MET: variants seen among roughly 807,000 people sequenced by gnomAD.
The protein encoded by MET is MET proto-oncogene, receptor tyrosine kinase, also known as hepatocyte growth factor receptor.
A neutral mutation model predicts 133.1 loss-of-function variants in MET; 48 were observed. That is an observed-to-expected ratio of 0.36 (90% CI 0.29 to 0.46). The LOEUF is 0.46. Ranked by LOEUF, MET falls within the 20% of genes least tolerant of loss-of-function variation. The probability of loss-of-function intolerance (pLI) is 1.00; values close to 1 mark genes in which losing one functional copy is unlikely to be tolerated. For missense variants in MET, 1,442 were observed against 1,695.9 expected, an observed-to-expected ratio of 0.85 and a Z score of 2.63; for synonymous variants, 628 against 616.5, an observed-to-expected ratio of 1.02 and a Z score of -0.28.
chr7:116,750,473 A>G (rs539498686), intron 5 of MET, among the ~76,000 whole-genome samples: 1 of 152,366 alleles, frequency 6.6e-6, no homozygotes, highest in Admixed American at 6.5e-5. Context: ...TAAAAACCAT[A>G]AAAACCCTAG....
chr7:116,786,802 C>T lies in MET; in HGVS notation c.3798+3333C>T, dbSNP rs539825890. On this transcript the variant is annotated intron_variant, in intron 19 of 20. Coordinates refer to ENST00000397752, the MANE Select transcript of MET (RefSeq NM_000245.4). ...GTCAGAAAATAATGTTCATGGGGGA[C>T]ATGCACTTGAAGAGAAAGGGTTGGT... Among the ~76,000 whole-genome samples, 2 of 152,274 alleles carry T rather than the reference C, an allele frequency of 1.3e-5. 1 individual carries two copies. Among genetic ancestry groups the T allele is most frequent in the South Asian group, 4.1e-4 (2 of 4,830 alleles).
At chr7:116,725,905 T>C (rs1355694178) in intron 2 of MET, among the ~76,000 whole-genome samples, 2 of 149,620 alleles carry the variant, frequency 1.3e-5, no homozygotes, top group Non-Finnish European at 3.0e-5. Context: ...GGTGTGGTAA[T>C]TCATGCCTGT....
Position 116,758,653 on chromosome 7 carries a change from C to T in MET, c.2264+33C>T, listed in dbSNP as rs1380019258. The T allele has an allele frequency of 3.1e-6, 5 of 1,595,664 alleles. No homozygotes were observed. The South Asian group carries it at 3.3e-5, about 11-fold the overall frequency. On this transcript the variant is annotated intron_variant, in intron 9 of 20. Transcript: ENST00000397752. ...GAAGCTTCTGATGGGTATAAGAAAA[C>T]AATGAATACAAGGATGATTTTGCTG...
intron 5 of MET, 145 bp from the exon 6 acceptor site, chr7:116,755,210 G>A: frequency 1.0e-6 from 1 of 973,704 alleles, no homozygotes; most frequent in East Asian, 2.7e-5. Flanking sequence ...TTTCCCTTTA[G>A]TGAAAATTAA....
intron 5 of MET, among the ~76,000 whole-genome samples, chr7:116,753,765 CTGAG>C (rs895962097): frequency 1.3e-5 from 2 of 152,084 alleles, no homozygotes; most frequent in African/African-American, 4.8e-5. Context: ...TTTTAAAAGG[CTGAG>C]TGTGTCAACT....
chr7:116,710,985 G>A (rs1421766875), intron 2 of MET, among the ~76,000 whole-genome samples: 1 of 152,166 alleles, frequency 6.6e-6, no homozygotes, highest in Admixed American at 6.5e-5. Flanking sequence ...TTAATACCCT[G>A]TATGCTGGTG....
At position 116,755,372 on chromosome 7, in the gene MET, A is replaced by C. The variant is rs199776656; in HGVS notation, c.1719A>C (p.Ala573=). 1 of 1,613,956 alleles carries C rather than the reference A, an allele frequency of 6.2e-7. No homozygotes were observed. Among genetic ancestry groups the C allele is most frequent in the African/African-American group, 1.3e-5 (1 of 74,890 alleles). ...CCTTGTAGGTTTTCCCAAATAGTGC[A>C]CCCCTTGAAGGAGGGACAAGGCTGA... is the stretch of plus-strand genomic sequence containing the variant. ...PAIYKVFPNS[A]PLEGGTRLTI... Residue 573 remains alanine (A), a synonymous_variant, in exon 6 of 21, where the codon GCA becomes GCC. Transcript: ENST00000397752.
At position 116,699,949 on chromosome 7, in the gene MET, C is replaced by T. The variant is rs2116599833; in HGVS notation, c.865C>T (p.His289Tyr). 1 of 1,614,042 alleles carries T rather than the reference C, an allele frequency of 6.2e-7. No individual in the cohort carries two copies. The highest frequency in any genetic ancestry group is 8.5e-7 in the Non-Finnish European group (1 of 1,179,964). ...IRFCSINSGL[H>Y]SYMEMPLECI... ...GTTCTGTTCCATAAACTCTGGATTG[C>T]ATTCCTACATGGAAATGCCTCTGGA... Residue 289 changes from histidine (H) to tyrosine (Y), a missense_variant, in exon 2 of 21, where the codon CAT becomes TAT. By Grantham distance (83) the His-to-Tyr change is moderately conservative. Coordinates refer to ENST00000397752, the MANE Select transcript of MET (RefSeq NM_000245.4).
chr7:116,713,244 A>T (rs1021064672), intron 2 of MET, among the ~76,000 whole-genome samples: 1 of 152,006 alleles, frequency 6.6e-6, no homozygotes, highest in Non-Finnish European at 1.5e-5. Context: ...AAATACAAAA[A>T]ATTAGCCGGG....
At chr7:116,689,735 A>AT (rs998294531) in intron 1 of MET, among the ~76,000 whole-genome samples, 36 of 151,680 alleles carry the variant, frequency 2.4e-4, no homozygotes, top group South Asian at 2.1e-4. Flanking sequence ...TGCCTGGCTA[A>AT]TTTTTTTATT....
In MET at chr7:116,716,224, G is replaced by A. The variant is rs546747979; in HGVS notation, c.1201-15444G>A. Among the ~76,000 whole-genome samples the A allele has an allele frequency of 1.3e-4, 19 of 149,226 alleles. No individual in the cohort carries two copies. The South Asian group carries it at 2.2e-3, about 17-fold the overall frequency. ...GCCAAGATTGTGCCACTGCACTGCC[G>A]CCTGGGTGACAGAGCCAGAGCCTTT... is the stretch of plus-strand genomic sequence containing the variant. On this transcript the variant is annotated intron_variant, in intron 2 of 20. Transcript: ENST00000397752.
intron 2 of MET, among the ~76,000 whole-genome samples, chr7:116,726,235 C>G (rs1792781488): frequency 2.3e-5 from 1 of 44,170 alleles, no homozygotes; most frequent in Non-Finnish European, 4.8e-5. Context: ...GGAATATTAC[C>G]TTTGAAGTCC....
intron 10 of MET, among the ~76,000 whole-genome samples, chr7:116,761,451 A>G (rs543833603): frequency 6.6e-6 from 1 of 152,344 alleles, no homozygotes; most frequent in Middle Eastern, 3.4e-3. Context: ...AAAGCTGACC[A>G]TGATGAATTG....
chr7:116,740,750 C>A (rs1388552126), intron 4 of MET, 102 bp from the exon 5 acceptor site: 4 of 1,432,878 alleles, frequency 2.8e-6, no homozygotes, highest in African/African-American at 1.4e-5. Flanking sequence ...CTAGAAAATT[C>A]CATCAAATGA....
chr7:116,757,570 T>C (rs2116921922), intron 7 of MET, 31 bp downstream of exon 7: 1 of 1,612,890 alleles, frequency 6.2e-7, no homozygotes, highest in Non-Finnish European at 8.5e-7. Context: ...TCATGTTTGA[T>C]TTTTACTTAA....
intron 19 of MET, among the ~76,000 whole-genome samples, chr7:116,793,318 G>A (rs1795571106): frequency 6.6e-6 from 1 of 151,936 alleles, no homozygotes; most frequent in Non-Finnish European, 1.5e-5. Context: ...GGGATTACAG[G>A]TGCACACCAC....
In MET at chr7:116,673,573, A is replaced by T. The variant is rs535343797; in HGVS notation, c.-15+996A>T. On this transcript the variant is annotated intron_variant, in intron 1 of 20. Coordinates refer to ENST00000397752, the MANE Select transcript of MET (RefSeq NM_000245.4). ...ATTCTGTAGCTTTGGGTGGGGGTTT[A>T]TTCTGTCGCTTTCATCAGCCAGACA... Among the ~76,000 whole-genome samples, 29 of 152,336 alleles carry T rather than the reference A, an allele frequency of 1.9e-4. No homozygotes were observed. In the South Asian group the frequency reaches 4.4e-3, roughly 23 times the overall value.
At chr7:116,782,147 A>T in intron 18 of MET, 50 bp downstream of exon 18, 2 of 1,288,546 alleles carry the variant, frequency 1.6e-6, no homozygotes, top group Non-Finnish European at 2.2e-6. Context: ...GACAAGGAGG[A>T]ATCTGTTTCC....
intron 5 of MET, among the ~76,000 whole-genome samples, chr7:116,754,983 G>GGAAAGAAAAGAAA (rs1794104081): frequency 1.3e-5 from 1 of 78,632 alleles, no homozygotes; most frequent in Non-Finnish European, 2.6e-5. Flanking sequence ...AGCAGAGAAA[G>GGAAAGAAAAGAAA]GAAAGAAAGA....
Sources: allele counts gnomAD v4.1 joint callset (sites outside exome capture counted in the v4.1 genomes callset), GRCh38; gene constraint gnomAD v4.1.1; transcripts MANE v1.5; gene names NCBI Gene and HGNC (gene_info 2026-07-23, HGNC 2026-07-21).